Variants in TCF4 observed in about 807,000 individuals in gnomAD.
TCF4 encodes SL3-3 enhancer factor 2.
A neutral mutation model predicts 82.1 loss-of-function variants in TCF4; 3 were observed. The observed-to-expected ratio is 0.04, with a 90% confidence interval of 0.02 to 0.09. TCF4 has a LOEUF of 0.09. Among genes scored for constraint, TCF4 ranks in the 10% least tolerant of loss-of-function variants. The pLI is 1.00. For missense variants in TCF4, 518 were observed against 852.7 expected, an observed-to-expected ratio of 0.61 and a Z score of 4.89; for synonymous variants, 276 against 309.6, an observed-to-expected ratio of 0.89 and a Z score of 1.14.
In TCF4 at chr18:55,544,482, T is replaced by A. The variant is rs73960138; in HGVS notation, c.145+40798A>T. 5.6e-3 allele frequency among the ~76,000 whole-genome samples: 847 copies of A among 152,308 alleles called. 12 individuals carry two copies. The highest frequency in any genetic ancestry group is 0.02 in the African/African-American group (816 of 41,572). ...AAGTTCTCTCCCCATTACTTAGAGA[T>A]AAGATCATTTCTAACATCCCTCACA... is the stretch of plus-strand genomic sequence containing the variant. On this transcript the variant is annotated intron_variant, in intron 3 of 19. Coordinates refer to ENST00000354452, the MANE Select transcript of TCF4 (RefSeq NM_001083962.2).
intron 16 of TCF4, 156 bp downstream of exon 16, chr18:55,234,392 T>G: frequency 2.0e-6 from 2 of 1,008,004 alleles, no homozygotes; most frequent in Non-Finnish European, 1.5e-6. Context: ...CGGGCGAAGT[T>G]CTAAATACTT....
At position 55,403,533 on chromosome 18, in the gene TCF4, G is replaced by A. The variant is rs771654348; in HGVS notation, c.305-15C>T. The stretch of plus-strand genomic sequence containing the variant: ...TTCTGTTTTACCTGCCAAGAGAAAC[G>A]ACAAAAAAGTGTAAATTGTGTTTTT... On this transcript the variant is annotated splice_polypyrimidine_tract_variant and intron_variant, in intron 5 of 19. Coordinates refer to ENST00000354452, the MANE Select transcript of TCF4 (RefSeq NM_001083962.2). The A allele has an allele frequency of 8.1e-6, 13 of 1,613,440 alleles. No homozygotes were observed. Among genetic ancestry groups the A allele is most frequent in the East Asian group, 2.2e-5 (1 of 44,856 alleles).
chr18:55,476,922 T>C (rs1053344937), intron 3 of TCF4, among the ~76,000 whole-genome samples: 2 of 152,194 alleles, frequency 1.3e-5, no homozygotes, highest in Admixed American at 6.5e-5. Flanking sequence ...AATGTGTGTG[T>C]GCATGTGTGT....
chr18:55,577,791 T>C (rs1262193438), intron 3 of TCF4, among the ~76,000 whole-genome samples: 1 of 152,150 alleles, frequency 6.6e-6, no homozygotes, highest in African/African-American at 2.4e-5. Context: ...TATCCTGTAA[T>C]GGGGCTTTGT....
At chr18:55,402,035 G>A in intron 6 of TCF4, 2 of 985,514 alleles carry the variant, frequency 2.0e-6, no homozygotes, top group Non-Finnish European at 2.4e-6. Flanking sequence ...AGGCTATCTA[G>A]CCCGAACATT....
Position 55,382,659 on chromosome 18 carries a change from A to G in TCF4, c.369+20795T>C, listed in dbSNP as rs566300182. ...ATCCTGATCACCTTGTTTTAATACT[A>G]AAAAAAAGGAAGTCATTTATCATCT... On this transcript the variant is annotated intron_variant, in intron 6 of 19. Transcript: ENST00000354452. Among the ~76,000 whole-genome samples the G allele has an allele frequency of 4.0e-5, 6 of 151,000 alleles. No homozygotes were observed. In the South Asian group the frequency reaches 1.2e-3, roughly 31 times the overall value.
chr18:55,423,460 A>T, intron 5 of TCF4: 1 of 150,576 alleles, frequency 6.6e-6, no homozygotes, highest in African/African-American at 2.4e-5. Flanking sequence ...CACACAATCA[A>T]GCAAAGGGGA....
intron 8 of TCF4, among the ~76,000 whole-genome samples, chr18:55,328,805 C>T (rs137965688): frequency 1.8e-3 from 280 of 152,290 alleles, no homozygotes; most frequent in African/African-American, 6.4e-3. Context: ...AAATATCAGG[C>T]TTCCCAATGC....
At position 55,562,721 on chromosome 18, in the gene TCF4, T is replaced by C. The variant is rs534959911; in HGVS notation, c.145+22559A>G. On this transcript the variant is annotated intron_variant, in intron 3 of 19. Coordinates refer to ENST00000354452, the MANE Select transcript of TCF4 (RefSeq NM_001083962.2). ...TGCCATAACTAAGTACTAAATGTAC[T>C]TGTATATGGTTAATATTTTTCTTTA... Among the ~76,000 whole-genome samples the C allele has an allele frequency of 1.9e-4, 29 of 152,352 alleles. 1 individual carries two copies. Among genetic ancestry groups the C allele is most frequent in the African/African-American group, 7.0e-4 (29 of 41,576 alleles).
intron 5 of TCF4, among the ~76,000 whole-genome samples, chr18:55,436,390 G>A (rs1413969958): frequency 2.0e-5 from 3 of 152,138 alleles, no homozygotes; most frequent in Non-Finnish European, 4.4e-5. Context: ...ATAAAAGCAG[G>A]TTTTAATAAT....
At chr18:55,281,184 T>C (rs562370911) in intron 8 of TCF4, among the ~76,000 whole-genome samples, 3 of 152,264 alleles carry the variant, frequency 2.0e-5, no homozygotes, top group South Asian at 4.2e-4. Context: ...GAAAAAAAAC[T>C]TTTTTGAGTA....
At chr18:55,472,036 C>A (rs1290604102) in intron 3 of TCF4, among the ~76,000 whole-genome samples, 1 of 152,208 alleles carries the variant, frequency 6.6e-6, no homozygotes, top group African/African-American at 2.4e-5. Flanking sequence ...TAACATCCAA[C>A]TTAAACTTCC....
At chr18:55,285,687 T>C (rs73488991) in intron 8 of TCF4, among the ~76,000 whole-genome samples, 6,795 of 152,202 alleles carry the variant, frequency 0.045, 288 homozygotes, top group African/African-American at 0.11. Flanking sequence ...AGTCCCAGTG[T>C]AGAGTCATGT....
At chr18:55,481,200 T>C (rs948627229) in intron 3 of TCF4, among the ~76,000 whole-genome samples, 6 of 152,062 alleles carry the variant, frequency 3.9e-5, no homozygotes, top group Admixed American at 6.6e-5. Context: ...CGGCATTATA[T>C]GTGTATTTCT....
chr18:55,420,450 T>C (rs145547882), intron 5 of TCF4, among the ~76,000 whole-genome samples: 34 of 152,322 alleles, frequency 2.2e-4, no homozygotes, highest in African/African-American at 8.2e-4. Context: ...TTGGAAATAA[T>C]GGGATTCCTT....
intron 8 of TCF4, among the ~76,000 whole-genome samples, chr18:55,330,717 C>A (rs1353283018): frequency 1.3e-5 from 2 of 151,460 alleles, no homozygotes; most frequent in African/African-American, 2.4e-5. Flanking sequence ...CAGCATGCAC[C>A]ACTACCACGC....
At chr18:55,306,476 A>T (rs1232954807) in intron 8 of TCF4, among the ~76,000 whole-genome samples, 13 of 152,228 alleles carry the variant, frequency 8.5e-5, no homozygotes, top group Admixed American at 8.5e-4. Flanking sequence ...TTAATTGACC[A>T]CTAATTAAGC....
intron 3 of TCF4, among the ~76,000 whole-genome samples, chr18:55,560,732 G>A (rs937092811): frequency 5.9e-5 from 9 of 152,018 alleles, no homozygotes; most frequent in African/African-American, 1.7e-4. Flanking sequence ...CTTCACATAA[G>A]TGCATCCAGA....
chr18:55,519,328 G>A (rs2096913008), intron 3 of TCF4, among the ~76,000 whole-genome samples: 1 of 151,856 alleles, frequency 6.6e-6, no homozygotes, highest in Non-Finnish European at 1.5e-5. Context: ...CAGCTACTCA[G>A]GAGGCTGAGG....
Sources: allele counts gnomAD v4.1 joint callset (sites outside exome capture counted in the v4.1 genomes callset), GRCh38; gene constraint gnomAD v4.1.1; transcripts MANE v1.5; gene names NCBI Gene and HGNC (gene_info 2026-07-23, HGNC 2026-07-21).